The following DRD2 variants were observed in gnomAD, a reference collection of about 807,000 sequenced individuals.
DRD2 encodes the protein dopamine receptor D2, also known as D(2) dopamine receptor.
Under a neutral mutation model 38.0 loss-of-function variants are expected in DRD2, and 8 were observed. That is an observed-to-expected ratio of 0.21 (90% CI 0.12 to 0.38). The LOEUF (loss-of-function observed/expected upper bound fraction) is 0.38. Ranked by LOEUF, DRD2 falls within the 10% of genes least tolerant of loss-of-function variation. The probability of loss-of-function intolerance (pLI) is 1.00; values close to 1 mark genes in which losing one functional copy is unlikely to be tolerated. For missense variants in DRD2, 403 were observed against 607.7 expected (o/e 0.66, Z 3.54); for synonymous variants, 230 against 238.6 (o/e 0.96, Z 0.33).
intron 1 of DRD2, among the ~76,000 whole-genome samples, chr11:113,438,391 C>G (rs1426115194): frequency 1.3e-5 from 2 of 152,060 alleles, no homozygotes; most frequent in Non-Finnish European, 2.9e-5. Context: ...GTGGTAGGTG[C>G]CCAATAAGTG....
chr11:113,425,969 G>A (rs1258895126), intron 1 of DRD2, among the ~76,000 whole-genome samples: 1 of 152,078 alleles, frequency 6.6e-6, no homozygotes, highest in East Asian at 1.9e-4. Flanking sequence ...GTCCCTGAGA[G>A]GTTGGGCCCA....
chr11:113,464,761 CA>C (rs1447459560), intron 1 of DRD2, among the ~76,000 whole-genome samples: 9 of 152,242 alleles, frequency 5.9e-5, no homozygotes, highest in African/African-American at 2.2e-4. Context: ...ATTTCATCAA[CA>C]CCATCAGTCC....
At chr11:113,446,310 G>A (rs887167187) in intron 1 of DRD2, among the ~76,000 whole-genome samples, 2 of 152,100 alleles carry the variant, frequency 1.3e-5, no homozygotes, top group South Asian at 2.1e-4. Context: ...TTCTACCCCC[G>A]GCGCTGAGTC....
intron 1 of DRD2, among the ~76,000 whole-genome samples, chr11:113,462,575 C>A (rs1033124396): frequency 6.6e-6 from 1 of 152,172 alleles, no homozygotes; most frequent in South Asian, 2.1e-4. Flanking sequence ...AGACAGTATC[C>A]TCCCCTGCAG....
chr11:113,434,441 C>T (rs1054803600), intron 1 of DRD2, among the ~76,000 whole-genome samples: 2 of 152,224 alleles, frequency 1.3e-5, no homozygotes, highest in Non-Finnish European at 2.9e-5. Flanking sequence ...ATAGCCTCTT[C>T]TGAGATCTCC....
intron 1 of DRD2, among the ~76,000 whole-genome samples, chr11:113,459,377 G>T (rs1951296005): frequency 6.6e-6 from 1 of 152,200 alleles, no homozygotes. Context: ...TGCGGGTGTT[G>T]TTGGTTATAG....
In DRD2 at chr11:113,437,407, A is replaced by G. The variant is rs1334078604; in HGVS notation, c.-31-12725T>C. Among the ~76,000 whole-genome samples, 3 of 152,178 alleles carry G rather than the reference A, an allele frequency of 2.0e-5. No homozygotes were observed. In the East Asian group the frequency reaches 5.8e-4, roughly 29 times the overall value. Reference sequence around the variant, plus strand: ...GGGATGGGCAGGGTCTCACCCCTCCAGGCTGGTAGGTGTCAGACTGGTGTC... The same window carrying G: ...GGGATGGGCAGGGTCTCACCCCTCCGGGCTGGTAGGTGTCAGACTGGTGTC... On this transcript the variant is annotated intron_variant, in intron 1 of 7. Transcript: ENST00000362072.
At chr11:113,426,141 A>C (rs1950939776) in intron 1 of DRD2, among the ~76,000 whole-genome samples, 2 of 152,078 alleles carry the variant, frequency 1.3e-5, no homozygotes, top group African/African-American at 4.8e-5. Context: ...TTAGGAGCTA[A>C]ACTGCAAGTC....
At chr11:113,421,673 T>C (rs1950885411) in intron 2 of DRD2, among the ~76,000 whole-genome samples, 2 of 152,072 alleles carry the variant, frequency 1.3e-5, no homozygotes, top group Admixed American at 1.3e-4. Flanking sequence ...TGGCATGGCA[T>C]TGCTGGAAAT....
intron 2 of DRD2, among the ~76,000 whole-genome samples, chr11:113,424,140 C>T (rs771660667): frequency 4.6e-5 from 7 of 152,290 alleles, no homozygotes; most frequent in East Asian, 1.9e-4. Flanking sequence ...AAAGTCCCTA[C>T]GTGAGGCCCA....
At chr11:113,412,965 C>A in intron 6 of DRD2, 82 bp from the exon 7 acceptor site, 1 of 1,469,300 alleles carries the variant, frequency 6.8e-7, no homozygotes, top group South Asian at 1.2e-5. Flanking sequence ...CCCTCCCTTT[C>A]CCCCTCTGAA....
chr11:113,449,524 C>A (rs1358881666), intron 1 of DRD2, among the ~76,000 whole-genome samples: 1 of 152,060 alleles, frequency 6.6e-6, no homozygotes, highest in South Asian at 2.1e-4. Flanking sequence ...TCATGTGAGC[C>A]AAGGGCAGGC....
At chr11:113,414,650 G>A (rs914369643) in intron 5 of DRD2, among the ~76,000 whole-genome samples, 189 bp from the exon 6 acceptor site, 1 of 152,206 alleles carries the variant, frequency 6.6e-6, no homozygotes, top group Non-Finnish European at 1.5e-5. Flanking sequence ...TGGGTATGAC[G>A]AGGAACACAA....
intron 1 of DRD2, among the ~76,000 whole-genome samples, chr11:113,437,627 C>T (rs563415942): frequency 4.6e-5 from 7 of 152,150 alleles, no homozygotes; most frequent in East Asian, 1.9e-4. Context: ...AAGGGAGCTC[C>T]GAGGAGCACA....
intron 1 of DRD2, among the ~76,000 whole-genome samples, chr11:113,455,291 G>T (rs1473398301): frequency 1.3e-5 from 2 of 152,162 alleles, no homozygotes; most frequent in African/African-American, 4.8e-5. Context: ...GAACCTGGGA[G>T]GTGGAGGTTG....
intron 6 of DRD2, chr11:113,413,234 T>C: frequency 3.2e-6 from 2 of 616,952 alleles, no homozygotes; most frequent in Admixed American, 3.7e-5. Context: ...CTGATGATGT[T>C]TGGCCCTGCC....
At chr11:113,444,739 T>C (rs896300006) in intron 1 of DRD2, among the ~76,000 whole-genome samples, 5 of 152,126 alleles carry the variant, frequency 3.3e-5, no homozygotes, top group Admixed American at 1.3e-4. Flanking sequence ...GGACTAAGGG[T>C]ACAACGTTGA....
At chr11:113,411,006 A>G (rs1565658347) in intron 7 of DRD2, 86 bp from the exon 8 acceptor site, 1 of 1,440,392 alleles carries the variant, frequency 6.9e-7, no homozygotes, top group Non-Finnish European at 9.5e-7. Context: ...CCTGGCTCGT[A>G]TGCCAAGACG....
At chr11:113,460,428 A>G (rs1396794796) in intron 1 of DRD2, among the ~76,000 whole-genome samples, 1 of 152,226 alleles carries the variant, frequency 6.6e-6, no homozygotes, top group Non-Finnish European at 1.5e-5. Context: ...TGTGATCTTG[A>G]CCTAGGGAGA....
Sources: gnomAD v4.1 joint callset for allele counts (sites outside exome capture counted in the v4.1 genomes callset) on GRCh38, gnomAD v4.1.1 for gene constraint, MANE v1.5 for transcripts, NCBI Gene and HGNC (gene_info 2026-07-23, HGNC 2026-07-21) for gene names.